The following SCEL variants were observed in gnomAD, a reference collection of about 807,000 sequenced individuals.
SCEL encodes sciellin.
Under a neutral mutation model 117.6 loss-of-function variants are expected in SCEL, and 113 were observed. The observed-to-expected ratio is 0.96, with a 90% CI of 0.83 to 1.12. SCEL has a LOEUF of 1.12. Among genes scored for constraint, SCEL ranks in the 50% most tolerant of loss-of-function variants. The pLI is 0.00. For missense variants in SCEL, 785 were observed against 810.8 expected, an observed-to-expected ratio of 0.97 and a Z score of 0.39; for synonymous variants, 270 against 256.2, an observed-to-expected ratio of 1.05 and a Z score of -0.51.
At chr13:77,575,841 T>C (rs561168701) in intron 9 of SCEL, among the ~76,000 whole-genome samples, 73 of 152,358 alleles carry the variant, frequency 4.8e-4, no homozygotes, top group African/African-American at 1.8e-3. Context: ...TATCAAGATA[T>C]GCCAAGCAGA....
intron 28 of SCEL, among the ~76,000 whole-genome samples, chr13:77,631,322 G>T (rs1341666093): frequency 2.0e-5 from 3 of 152,192 alleles, no homozygotes; most frequent in Non-Finnish European, 2.9e-5. Context: ...ATTTTTTGTT[G>T]TAAAATCTAT....
intron 29 of SCEL, among the ~76,000 whole-genome samples, chr13:77,636,434 T>C (rs2090281153): frequency 6.6e-6 from 1 of 152,192 alleles, no homozygotes; most frequent in Non-Finnish European, 1.5e-5. Context: ...AGCCATGTGG[T>C]TATCAATCAT....
Position 77,642,808 on chromosome 13 carries a change from G to T in SCEL, c.2050G>T (p.Ala684Ser). 6.5e-7 allele frequency: 1 copy of T among 1,550,336 alleles called. No homozygotes were observed. The highest frequency in any genetic ancestry group is 8.8e-7 in the Non-Finnish European group (1 of 1,131,192). Residue 684 changes from alanine to serine, a missense_variant and splice_region_variant, in exon 32 of 33, where the codon GCA becomes TCA. Transcript: ENST00000349847. ...HCEPCYSKIM[A>S]KWIP ...TGAACCTTGCTACTCTAAAATTATGGGTAAGTGTTACACTCTAAGCATTTA... is the reference window on the plus strand; with the variant it reads ...TGAACCTTGCTACTCTAAAATTATGTGTAAGTGTTACACTCTAAGCATTTA...
At chr13:77,571,235 G>A (rs1286268909) in intron 8 of SCEL, among the ~76,000 whole-genome samples, 1 of 150,592 alleles carries the variant, frequency 6.6e-6, no homozygotes, top group Non-Finnish European at 1.5e-5. Flanking sequence ...GAGGTCAGGA[G>A]ATCGAGACCA....
intron 5 of SCEL, 88 bp downstream of exon 5, chr13:77,563,987 A>G: frequency 4.3e-6 from 4 of 930,958 alleles, no homozygotes; most frequent in Non-Finnish European, 6.2e-6. Flanking sequence ...AAAGTTTACC[A>G]AAATAAGGTT....
At chr13:77,637,239 GAC>G (rs35846521) in intron 30 of SCEL, 45 bp downstream of exon 30, 52 of 702,478 alleles carry the variant, frequency 7.4e-5, no homozygotes, top group East Asian at 2.0e-4. Flanking sequence ...CACACATACA[GAC>G]ACACACACAC....
rs137885429 is a variant in SCEL, at chr13:77,565,148, C to T, written c.290+1249C>T. Among the ~76,000 whole-genome samples, 54 of 152,212 alleles carry T rather than the reference C, an allele frequency of 3.5e-4. No homozygotes were observed. The East Asian group carries it at 8.1e-3, about 23-fold the overall frequency. On this transcript the variant is annotated intron_variant, in intron 5 of 32. Transcript: ENST00000349847. ...ATCTGAACGTTTATGTCAGGCCAGCCGAGATACAGCCTAGGAATGTGGGAA... is the reference window on the plus strand; with the variant it reads ...ATCTGAACGTTTATGTCAGGCCAGCTGAGATACAGCCTAGGAATGTGGGAA...
intron 27 of SCEL, among the ~76,000 whole-genome samples, chr13:77,621,855 A>T (rs2154404355): frequency 6.6e-6 from 1 of 152,326 alleles, no homozygotes; most frequent in East Asian, 1.9e-4. Context: ...TGCTCATGAC[A>T]TAATCTCAAT....
intron 1 of SCEL, among the ~76,000 whole-genome samples, chr13:77,541,553 A>G (rs530997598): frequency 2.6e-5 from 4 of 152,340 alleles, no homozygotes; most frequent in African/African-American, 9.6e-5. Flanking sequence ...CAGAGGAATG[A>G]TGTTACATTG....
intron 27 of SCEL, 41 bp downstream of exon 27, chr13:77,618,101 A>G (rs1044273145): frequency 6.5e-7 from 1 of 1,537,806 alleles, no homozygotes; most frequent in African/African-American, 1.4e-5. Context: ...ACAAGTTTCT[A>G]GGGTAGGAAC....
intron 1 of SCEL, among the ~76,000 whole-genome samples, chr13:77,552,071 T>A (rs1036910039): frequency 1.3e-5 from 2 of 151,894 alleles, no homozygotes; most frequent in Non-Finnish European, 2.9e-5. Flanking sequence ...ATATGTGCCA[T>A]ATTTTCTTAA....
At chr13:77,640,864 T>G (rs1567454087) in intron 31 of SCEL, 80 bp downstream of exon 31, 2 of 703,516 alleles carry the variant, frequency 2.8e-6, no homozygotes, top group Non-Finnish European at 4.6e-6. Context: ...ATGTAATACA[T>G]GAGATGAAGC....
chr13:77,615,209 CT>C (rs1286996734), intron 24 of SCEL, among the ~76,000 whole-genome samples: 1 of 151,988 alleles, frequency 6.6e-6, no homozygotes, highest in Non-Finnish European at 1.5e-5. Flanking sequence ...TGGACAGAGC[CT>C]TGGAGATTAT....
chr13:77,619,642 A>G (rs1341540551), intron 27 of SCEL, among the ~76,000 whole-genome samples: 2 of 152,228 alleles, frequency 1.3e-5, no homozygotes, highest in Non-Finnish European at 2.9e-5. Flanking sequence ...CGGATTTTCT[A>G]AAAGCTGAAA....
chr13:77,642,360 C>G (rs1480542487), intron 31 of SCEL, among the ~76,000 whole-genome samples: 1 of 152,158 alleles, frequency 6.6e-6, no homozygotes, highest in Admixed American at 6.5e-5. Context: ...TACTTCTAAC[C>G]AGCACAACTC....
chr13:77,544,363 G>A (rs2083883817), intron 1 of SCEL, among the ~76,000 whole-genome samples: 1 of 152,118 alleles, frequency 6.6e-6, no homozygotes, highest in Non-Finnish European at 1.5e-5. Flanking sequence ...GAGAAAGTTA[G>A]CAGGGAGTGG....
chr13:77,634,853 A>C (rs1490688972), intron 29 of SCEL, among the ~76,000 whole-genome samples: 1 of 152,212 alleles, frequency 6.6e-6, no homozygotes, highest in Non-Finnish European at 1.5e-5. Flanking sequence ...AAGGGGTATA[A>C]ATTTGAGTAG....
intron 12 of SCEL, among the ~76,000 whole-genome samples, chr13:77,594,366 C>T (rs1378090774): frequency 1.3e-5 from 2 of 152,170 alleles, no homozygotes; most frequent in African/African-American, 4.8e-5. Flanking sequence ...CAAGGGAAAC[C>T]ATTTTCTCTC....
At chr13:77,537,524 T>A (rs1161408477) in intron 1 of SCEL, among the ~76,000 whole-genome samples, 1 of 152,222 alleles carries the variant, frequency 6.6e-6, no homozygotes, top group Non-Finnish European at 1.5e-5. Flanking sequence ...TAGAATACGT[T>A]TTCCAACTTG....
Sources: allele counts gnomAD v4.1 joint callset (sites outside exome capture counted in the v4.1 genomes callset), GRCh38; gene constraint gnomAD v4.1.1; transcripts MANE v1.5; gene names NCBI Gene and HGNC (gene_info 2026-07-23, HGNC 2026-07-21).